The following AKAP9 variants were observed in gnomAD, a reference collection of about 807,000 sequenced individuals.
The protein encoded by AKAP9 is A-kinase anchoring protein 9, also known as A-kinase anchor protein 9.
Under a neutral mutation model 488.5 loss-of-function variants are expected in AKAP9, and 311 were observed. That is an observed-to-expected ratio of 0.64 (90% CI 0.58 to 0.70). AKAP9 has a LOEUF of 0.70. AKAP9 is among the 30% of genes least tolerant of loss of function. The pLI is 0.00. For synonymous variants in AKAP9, 1,462 were observed against 1,483.5 expected, an observed-to-expected ratio of 0.99 and a Z score of 0.33; for missense variants, 4,215 against 4,374.5, an observed-to-expected ratio of 0.96 and a Z score of 1.03.
intron 49 of AKAP9, chr7:92,108,923 G>T: frequency 2.1e-6 from 1 of 479,160 alleles, no homozygotes; most frequent in South Asian, 2.0e-5. Flanking sequence ...GAGCACCAGT[G>T]TGCAAGGTAC....
chr7:92,069,109 C>A (rs1811260226), intron 26 of AKAP9, among the ~76,000 whole-genome samples: 1 of 152,156 alleles, frequency 6.6e-6, no homozygotes, highest in South Asian at 2.1e-4. Context: ...GTGCACAGAT[C>A]CCTCTCACAC....
chr7:92,107,607 C>T lies in AKAP9; in HGVS notation c.11546+185C>T, dbSNP rs10257832. ...ATCCCAGCACTTTGGGAGGCTGAGG[C>T]GGGCAGATCATGAGGTCAGGAGTTC... is the stretch of plus-strand genomic sequence containing the variant. On this transcript the variant is annotated intron_variant, in intron 48 of 49. Coordinates refer to ENST00000356239, the MANE Select transcript of AKAP9 (RefSeq NM_005751.5). The T allele has an allele frequency of 0.39, 223,184 of 578,374 alleles. 44,634 individuals are homozygous for T. Among genetic ancestry groups the T allele is most frequent in the African/African-American group, 0.48 (25,785 of 53,356 alleles). The allele number at this position is 578,374 out of a possible 1,614,324, so 35.8% of individuals were successfully genotyped here.
At chr7:92,042,566 T>C (rs1806294941) in intron 19 of AKAP9, 102 bp from the exon 20 acceptor site, 9 of 808,196 alleles carry the variant, frequency 1.1e-5, no homozygotes, top group Non-Finnish European at 1.8e-5. Context: ...CACAGAGGTT[T>C]CTATTTTATC....
chr7:92,033,364 G>A (rs369320421), intron 16 of AKAP9, among the ~76,000 whole-genome samples: 6 of 151,904 alleles, frequency 3.9e-5, no homozygotes, highest in East Asian at 1.9e-4. Flanking sequence ...CACCAGTACC[G>A]ATGGGATTAT....
chr7:92,049,752 A>C (rs1401443707), intron 21 of AKAP9, among the ~76,000 whole-genome samples: 1 of 152,026 alleles, frequency 6.6e-6, no homozygotes, highest in East Asian at 1.9e-4. Flanking sequence ...TTATACTTTC[A>C]AAATGTTATT....
In AKAP9 at chr7:91,940,981, A is replaced by C. The variant is rs1341350016; in HGVS notation, c.-119A>C. 2 of 1,068,602 alleles carry C rather than the reference A, an allele frequency of 1.9e-6. No individual in the cohort carries two copies. Among genetic ancestry groups the C allele is most frequent in the African/African-American group, 1.6e-5 (1 of 64,186 alleles). 66.2% of individuals were successfully genotyped at this position (1,068,602 alleles called of 1,614,324 possible). Reference sequence around the variant, plus strand: ...TCCACTTCGGGCGGGGGAGCGCCGGACCGAATCGGCTCTCTAGGCCGTGGA... The same window carrying C: ...TCCACTTCGGGCGGGGGAGCGCCGGCCCGAATCGGCTCTCTAGGCCGTGGA... On this transcript the variant is annotated 5_prime_UTR_variant, in exon 1 of 50. Transcript: ENST00000356239.
intron 7 of AKAP9, among the ~76,000 whole-genome samples, chr7:91,999,224 T>A (rs2299236): frequency 0.12 from 18,397 of 152,112 alleles, 1,274 homozygotes; most frequent in East Asian, 0.37. Flanking sequence ...TTAACGAGGC[T>A]AATTTTTTTT....
chr7:92,094,762 G>T (rs907385908), intron 39 of AKAP9, among the ~76,000 whole-genome samples: 1 of 152,214 alleles, frequency 6.6e-6, no homozygotes, highest in Non-Finnish European at 1.5e-5. Context: ...TAACCCGGGA[G>T]GTGGAGGTTG....
chr7:91,980,478 G>T (rs557183714), intron 3 of AKAP9, 145 bp downstream of exon 3: 3 of 131,144 alleles, frequency 2.3e-5, no homozygotes, highest in East Asian at 4.6e-4. Flanking sequence ...TAGAACCTGA[G>T]GATTATGTAT....
chr7:91,960,298 CT>C (rs1478594685), intron 1 of AKAP9, among the ~76,000 whole-genome samples: 1 of 152,140 alleles, frequency 6.6e-6, no homozygotes, highest in Non-Finnish European at 1.5e-5. Context: ...CAAAAAAGCA[CT>C]TGTCTGTTTG....
rs553804720 is a variant in AKAP9, at chr7:91,985,023, A to G, written c.351+4690A>G. On this transcript the variant is annotated intron_variant, in intron 3 of 49. Transcript: ENST00000356239. ...CTTAAGGAGATTTTGGGCTGAGACA[A>G]TGGGTTTTCTAAATATACAATCATG... Among the ~76,000 whole-genome samples the G allele has an allele frequency of 2.5e-4, 38 of 152,244 alleles. No individual in the cohort carries two copies. In the South Asian group the frequency reaches 7.3e-3, roughly 29 times the overall value.
At chr7:92,106,078 T>C (rs1818469760) in intron 47 of AKAP9, among the ~76,000 whole-genome samples, 1 of 152,248 alleles carries the variant, frequency 6.6e-6, no homozygotes, top group Admixed American at 6.5e-5. Context: ...CTGGCCCCTT[T>C]GGGTCCATGG....
In AKAP9 at chr7:92,002,552, G is replaced by C; in HGVS notation, c.2635G>C (p.Glu879Gln). Residue 879 changes from glutamate to glutamine, a missense_variant, in exon 8 of 50, where the codon GAA becomes CAA. Transcript: ENST00000356239. ...CCTTCTCAAAGTAAAAGATGATTTA[G>C]AAGACAGTAAAAATAAACAGGAATT... Reference protein sequence around the residue: ...ACLLKVKDDLEDSKNKQELEY... With the variant: ...ACLLKVKDDLQDSKNKQELEY... The C allele has an allele frequency of 6.2e-7, 1 of 1,609,830 alleles. No individual in the cohort carries two copies. The highest frequency in any genetic ancestry group is 1.1e-5 in the South Asian group (1 of 89,964).
chr7:92,091,617 A>G (rs7811328), intron 38 of AKAP9, among the ~76,000 whole-genome samples: 4 of 139,230 alleles, frequency 2.9e-5, no homozygotes, highest in Admixed American at 2.8e-4. Flanking sequence ...AAAACAAAGC[A>G]GAAGCATTCT....
At chr7:91,948,030 A>AAAGG (rs1347663086) in intron 1 of AKAP9, among the ~76,000 whole-genome samples, 1 of 152,246 alleles carries the variant, frequency 6.6e-6, no homozygotes, top group African/African-American at 2.4e-5. Flanking sequence ...ATTTAATATG[A>AAAGG]AAGGAATCAT....
chr7:92,097,533 G>A (rs768285973), intron 41 of AKAP9, 53 bp from the exon 42 acceptor site: 5 of 1,569,958 alleles, frequency 3.2e-6, no homozygotes, highest in East Asian at 4.5e-5. Flanking sequence ...GATAGACTGT[G>A]ATATGCTGTT....
chr7:91,948,137 G>C (rs1220657954), intron 1 of AKAP9, among the ~76,000 whole-genome samples: 2 of 152,100 alleles, frequency 1.3e-5, no homozygotes, highest in East Asian at 3.8e-4. Flanking sequence ...TCCTTTTTAT[G>C]GCTGAATAAT....
At chr7:91,956,055 A>G (rs1472366230) in intron 1 of AKAP9, among the ~76,000 whole-genome samples, 6 of 152,172 alleles carry the variant, frequency 3.9e-5, no homozygotes, top group Non-Finnish European at 8.8e-5. Flanking sequence ...AGTCTTTACT[A>G]TGCTATTTTC....
chr7:92,038,488 A>G lies in AKAP9; in HGVS notation c.4408A>G (p.Asn1470Asp). Residue 1470 changes from asparagine to aspartate, a missense_variant, in exon 17 of 50, where the codon AAT (asparagine) becomes GAT (aspartate). Transcript: ENST00000356239. The stretch of plus-strand genomic sequence containing the variant: ...GTCTAGAATATCTGGGGGAAAAGAA[A>G]ATACTGCATCATCAAAGCAAGCACA... ...ELSRISGGKENTASSKQAHAV... is the reference protein window; with the variant it reads ...ELSRISGGKEDTASSKQAHAV... The G allele has an allele frequency of 5.0e-6, 8 of 1,613,998 alleles. No individual in the cohort carries two copies. Among genetic ancestry groups the G allele is most frequent in the Non-Finnish European group, 6.8e-6 (8 of 1,179,936 alleles).
Sources: gnomAD v4.1 joint callset for allele counts (sites outside exome capture counted in the v4.1 genomes callset) on GRCh38, gnomAD v4.1.1 for gene constraint, MANE v1.5 for transcripts, NCBI Gene and HGNC (gene_info 2026-07-23, HGNC 2026-07-21) for gene names.